The following ANKRD28 variants were observed in gnomAD, a reference collection of about 807,000 sequenced individuals.
ANKRD28 encodes the protein serine/threonine-protein phosphatase 6 regulatory ankyrin repeat subunit A.
A neutral mutation model predicts 126.5 loss-of-function variants in ANKRD28; 44 were observed. The ratio of observed to expected loss-of-function variants is 0.35; its 90% CI spans 0.27 to 0.45. The LOEUF is 0.45. Ranked by LOEUF, ANKRD28 falls within the 20% of genes least tolerant of loss-of-function variation. ANKRD28 has a pLI of 1.00. For synonymous variants in ANKRD28, 442 were observed against 468.5 expected, an observed-to-expected ratio of 0.94 and a Z score of 0.73; for missense variants, 1,110 against 1,316.6, an observed-to-expected ratio of 0.84 and a Z score of 2.43.
chr3:15,680,268 G>A (rs145279542), intron 21 of ANKRD28, among the ~76,000 whole-genome samples: 452 of 152,174 alleles, frequency 3.0e-3, no homozygotes, highest in Middle Eastern at 0.017. Flanking sequence ...GCAGTGGCGC[G>A]ATCTTGGCTC....
At chr3:15,780,048 C>T (rs2059471870) in intron 2 of ANKRD28, among the ~76,000 whole-genome samples, 1 of 152,134 alleles carries the variant, frequency 6.6e-6, no homozygotes, top group Non-Finnish European at 1.5e-5. Flanking sequence ...CACTCCTATC[C>T]ACCATAGTGC....
chr3:15,694,065 C>A (rs1464920404), intron 17 of ANKRD28, among the ~76,000 whole-genome samples: 1 of 152,080 alleles, frequency 6.6e-6, no homozygotes, highest in Non-Finnish European at 1.5e-5. Context: ...CCCTTCCCTA[C>A]AACTCTAACA....
At chr3:15,835,582 A>G (rs942770998) in intron 1 of ANKRD28, among the ~76,000 whole-genome samples, 4 of 152,230 alleles carry the variant, frequency 2.6e-5, no homozygotes, top group African/African-American at 9.6e-5. Flanking sequence ...AAAAGTTTCC[A>G]ATGGTTGCCC....
Position 15,692,468 on chromosome 3 carries a change from A to G in ANKRD28, c.1762-2248T>C, listed in dbSNP as rs117967169. On this transcript the variant is annotated intron_variant, in intron 17 of 27. Transcript: ENST00000683139. Reference sequence around the variant, plus strand: ...ATGAAAAACAACAGCAAAAATAAATAAAAAATAAAAATGAAAAGACAAGAG... The same window carrying G: ...ATGAAAAACAACAGCAAAAATAAATGAAAAATAAAAATGAAAAGACAAGAG... 3.9e-5 allele frequency among the ~76,000 whole-genome samples: 6 copies of G among 152,314 alleles called. No homozygotes were observed. The East Asian group carries it at 1.2e-3, about 29-fold the overall frequency.
intron 4 of ANKRD28, among the ~76,000 whole-genome samples, chr3:15,744,966 G>GT (rs1187990903): frequency 6.6e-6 from 1 of 152,042 alleles, no homozygotes; most frequent in Non-Finnish European, 1.5e-5. Context: ...TCGCTTTGTG[G>GT]TTTTGATTTA....
intron 14 of ANKRD28, 135 bp from the exon 15 acceptor site, chr3:15,696,380 T>C (rs1235719376): frequency 5.5e-6 from 3 of 544,832 alleles, no homozygotes; most frequent in Non-Finnish European, 9.5e-6. Context: ...TATTACACTA[T>C]AAAAATGTCA....
Position 15,670,468 on chromosome 3 carries a change from T to C in ANKRD28, c.3054A>G (p.Ser1018=). The part of the protein sequence containing the change: ...LILATMMPVS[S]SSPLSSLTFN... ...ATGTTAAGGATGATAAAGGACTACT[T>C]GATGAGACAGGCATCATGGTGGCCA... is the stretch of plus-strand genomic sequence containing the variant. The change falls in exon 28 of 28, where the codon TCA becomes TCG. Residue 1018 remains serine (S), a synonymous_variant. Coordinates refer to ENST00000683139, the MANE Select transcript of ANKRD28 (RefSeq NM_001349278.2). The C allele has an allele frequency of 6.2e-7, 1 of 1,613,950 alleles. No individual in the cohort carries two copies. Among genetic ancestry groups the C allele is most frequent in the African/African-American group, 1.3e-5 (1 of 75,038 alleles).
intron 4 of ANKRD28, among the ~76,000 whole-genome samples, chr3:15,737,836 A>G (rs1311423006): frequency 1.3e-5 from 2 of 151,672 alleles, no homozygotes; most frequent in Non-Finnish European, 2.9e-5. Flanking sequence ...AAAACATACT[A>G]TTTCTCAATG....
chr3:15,690,564 G>GT (rs1012270043), intron 17 of ANKRD28, among the ~76,000 whole-genome samples: 11 of 151,886 alleles, frequency 7.2e-5, no homozygotes, highest in South Asian at 4.2e-4. Flanking sequence ...AAAAGCCTGT[G>GT]TTTTTTTTGT....
intron 18 of ANKRD28, among the ~76,000 whole-genome samples, chr3:15,689,377 T>C (rs1559340301): frequency 2.0e-5 from 3 of 152,180 alleles, no homozygotes; most frequent in Non-Finnish European, 1.5e-5. Flanking sequence ...TGACATAGAA[T>C]TGGCCAATGT....
intron 1 of ANKRD28, among the ~76,000 whole-genome samples, chr3:15,836,987 C>T (rs113063601): frequency 4.6e-5 from 7 of 151,526 alleles, no homozygotes; most frequent in African/African-American, 1.7e-4. Context: ...GTAGTCCTTG[C>T]TACTTGGGAG....
At chr3:15,750,628 T>G (rs1168962352) in intron 4 of ANKRD28, among the ~76,000 whole-genome samples, 2 of 152,208 alleles carry the variant, frequency 1.3e-5, no homozygotes, top group Non-Finnish European at 2.9e-5. Flanking sequence ...TTGTAATCCT[T>G]CTCAGTCACA....
chr3:15,836,787 A>G (rs2061333779), intron 1 of ANKRD28, among the ~76,000 whole-genome samples: 1 of 152,142 alleles, frequency 6.6e-6, no homozygotes, highest in South Asian at 2.1e-4. Flanking sequence ...AAACATATGG[A>G]GCTAACAGGC....
rs1469330084 is a variant in ANKRD28 at position 15,845,794 on chromosome 3, G to A, written c.27+13583C>T. 6.6e-6 allele frequency among the ~76,000 whole-genome samples: 1 copy of A among 152,084 alleles called. No individual in the cohort carries two copies. The highest frequency in any genetic ancestry group is 1.5e-5 in the Non-Finnish European group (1 of 68,006). The stretch of plus-strand genomic sequence containing the variant: ...TCAAGAAACTTAGAATCACGGTGGA[G>A]GGCAAAGGGGAAGCAAGCACGTCTT... On this transcript the variant is annotated intron_variant, in intron 1 of 27. Transcript: ENST00000399451. This position sits in a 1 kb window ranked among gnomAD's most constrained non-coding sequence, Gnocchi z 4.9.
Position 15,669,259 on chromosome 3 carries a change from ACAAAAAATCCCCCAACCCAT to A in ANKRD28, c.*991_*1010del, listed in dbSNP as rs1039076223. 3.0e-4 allele frequency: 45 copies of A among 152,330 alleles called. No homozygotes were observed. The highest frequency in any genetic ancestry group is 1.0e-3 in the African/African-American group (43 of 41,578). 9.4% of individuals were successfully genotyped at this position (152,330 alleles called of 1,614,324 possible). Reference sequence around the variant, plus strand: ...TTTCAAAACTCATAGATCAGAATAAACAAAAAATCCCCCAACCCATGGTGGGGACACAAAAGTAACATAAG... The same window carrying A: ...TTTCAAAACTCATAGATCAGAATAAAGGTGGGGACACAAAAGTAACATAAG... On this transcript the variant is annotated 3_prime_UTR_variant, in exon 28 of 28. Coordinates refer to ENST00000683139, the MANE Select transcript of ANKRD28 (RefSeq NM_001349278.2).
Position 15,712,206 on chromosome 3 carries a change from T to C in ANKRD28, c.1207A>G (p.Met403Val), listed in dbSNP as rs1409202467. ...AAGGCTGCCAAATGGAGGGGGAACA[T>C]TCCATGTATGCCACGCCTAAAGTTA... ...ADTAKRGIHG[M>V]FPLHLAALSG... The change falls in exon 11 of 28, where the codon ATG (methionine) becomes GTG (valine). Residue 403 changes from methionine to valine, a missense_variant. By Grantham distance (21) the Met-to-Val change is conservative. Coordinates refer to ENST00000683139, the MANE Select transcript of ANKRD28 (RefSeq NM_001349278.2). The C allele has an allele frequency of 2.5e-6, 4 of 1,582,640 alleles. No homozygotes were observed. The highest frequency in any genetic ancestry group is 2.3e-5 in the East Asian group (1 of 43,550).
chr3:15,720,879 T>C, intron 8 of ANKRD28, 36 bp downstream of exon 8: 3 of 1,581,730 alleles, frequency 1.9e-6, no homozygotes, highest in African/African-American at 2.7e-5. Flanking sequence ...AACAGTGACA[T>C]ATGAAATACT....
chr3:15,829,338 T>A lies in ANKRD28; in HGVS notation c.27+30039A>T, dbSNP rs549563921. On this transcript the variant is annotated intron_variant, in intron 1 of 27. Coordinates refer to the ANKRD28 transcript ENST00000399451. ...GCATTCAATTTGCTGCAATAAGTTA[T>A]CATGGTTCAAGTATATGAAGAAAAT... Among the ~76,000 whole-genome samples the A allele has an allele frequency of 6.1e-4, 93 of 152,336 alleles. 1 individual carries two copies. In the Middle Eastern group the frequency reaches 0.01, roughly 17 times the overall value.
In ANKRD28 at chr3:15,740,995, T is replaced by G. The variant is rs143200869; in HGVS notation, c.352-3762A>C. On this transcript the variant is annotated intron_variant, in intron 4 of 27. Transcript: ENST00000683139. ...GCAGGTGGATCACGAGGTCAGGAGA[T>G]CAAGACCATCCTGGCTAACAGGGTG... 1.1e-4 allele frequency among the ~76,000 whole-genome samples: 16 copies of G among 152,126 alleles called. No individual in the cohort carries two copies. The East Asian group carries it at 2.9e-3, about 28-fold the overall frequency.
Sources: gnomAD v4.1 joint callset for allele counts (sites outside exome capture counted in the v4.1 genomes callset) on GRCh38, gnomAD v4.1.1 for gene constraint, Gnocchi (gnomAD v3.1) non-coding constraint, MANE v1.5 for transcripts, NCBI Gene and HGNC (gene_info 2026-07-23, HGNC 2026-07-21) for gene names.